ATP2C2: variants seen among roughly 807,000 people sequenced by gnomAD.
The protein encoded by ATP2C2 is calcium-transporting ATPase type 2C member 2.
Under a neutral mutation model 110.8 loss-of-function variants are expected in ATP2C2, and 171 were observed. The observed-to-expected ratio is 1.54, with a 90% CI of 1.36 to 1.75. ATP2C2 has a LOEUF of 1.75. Among genes scored for constraint, ATP2C2 ranks in the 40% most tolerant of loss-of-function variants. The probability of loss-of-function intolerance (pLI) is 0.00; values close to 1 mark genes in which losing one functional copy is unlikely to be tolerated. For missense variants in ATP2C2, 1,963 were observed against 1,235.0 expected (o/e 1.59, Z -8.84); for synonymous variants, 804 against 508.4 (o/e 1.58, Z -7.82).
chr16:84,410,464 A>G (rs1906172134), intron 4 of ATP2C2, 104 bp from the exon 5 acceptor site: 10 of 1,332,680 alleles, frequency 7.5e-6, no homozygotes, highest in Non-Finnish European at 1.1e-5. Flanking sequence ...GTTTTGCAAG[A>G]AGAAAGGAAA....
intron 1 of ATP2C2, 93 bp downstream of exon 1, chr16:84,368,807 G>A: frequency 9.0e-7 from 1 of 1,111,640 alleles, no homozygotes; most frequent in Non-Finnish European, 1.3e-6. Context: ...CGTTCGCGCT[G>A]CGATCCGCGA....
At chr16:84,412,544 A>C (rs1459404580) in intron 6 of ATP2C2, among the ~76,000 whole-genome samples, 1 of 62,254 alleles carries the variant, frequency 1.6e-5, no homozygotes, top group East Asian at 5.0e-4. Context: ...CTGTGTGTGT[A>C]TGCGTGTGTG....
chr16:84,448,717 C>T (rs370073587), intron 17 of ATP2C2, 28 bp downstream of exon 17: 9 of 1,589,282 alleles, frequency 5.7e-6, no homozygotes, highest in Admixed American at 5.3e-5. Context: ...CGGCCCAGAG[C>T]TTTAAGCTTG....
At chr16:84,440,026 G>C (rs11867035) in intron 13 of ATP2C2, among the ~76,000 whole-genome samples, 9 of 152,090 alleles carry the variant, frequency 5.9e-5, no homozygotes, top group Non-Finnish European at 8.8e-5. Context: ...AGTAGAGACG[G>C]GGTATCACTA....
intron 4 of ATP2C2, among the ~76,000 whole-genome samples, chr16:84,408,806 C>T (rs912957358): frequency 6.6e-6 from 1 of 152,008 alleles, no homozygotes; most frequent in African/African-American, 2.4e-5. Flanking sequence ...CATTTGCCTT[C>T]CGAAGAACAA....
chr16:84,396,587 G>C (rs117817363), intron 1 of ATP2C2, among the ~76,000 whole-genome samples: 1 of 150,652 alleles, frequency 6.6e-6, no homozygotes, highest in Non-Finnish European at 1.5e-5. Flanking sequence ...AAGTGAATTC[G>C]GTGTAGTGAG....
At chr16:84,443,207 G>T (rs527792868) in intron 15 of ATP2C2, among the ~76,000 whole-genome samples, 11 of 152,238 alleles carry the variant, frequency 7.2e-5, no homozygotes, top group Admixed American at 1.3e-4. Flanking sequence ...GAGAAGAGAG[G>T]ACAAAGGACA....
In ATP2C2 at chr16:84,454,618, C is replaced by G. The variant is rs147899604; in HGVS notation, c.1981-200C>G. Among the ~76,000 whole-genome samples, 460 of 152,288 alleles carry G rather than the reference C, an allele frequency of 3.0e-3. 3 individuals carry two copies. Among genetic ancestry groups the G allele is most frequent in the Admixed American group, 6.2e-3 (94 of 15,284 alleles). On this transcript the variant is annotated intron_variant, in intron 20 of 26. Coordinates refer to ENST00000262429, the MANE Select transcript of ATP2C2 (RefSeq NM_014861.4). ...GCCCTGGGAAGAAGAAACTGTTGCT[C>G]CCACTTTGCAGATAGGGAAACTGAG...
At chr16:84,399,505 A>C (rs1246541050) in intron 2 of ATP2C2, among the ~76,000 whole-genome samples, 1 of 152,266 alleles carries the variant, frequency 6.6e-6, no homozygotes, top group Non-Finnish European at 1.5e-5. Context: ...CGACCAGAAC[A>C]ACAAAGTTTC....
Position 84,463,921 on chromosome 16 carries a change from T to C in ATP2C2, c.*189T>C. ...GACCCAGGCCCACATCCATCCAGCG[T>C]TCCCGCTGGCTGTGGGACAGACAGG... On this transcript the variant is annotated 3_prime_UTR_variant, in exon 27 of 27. Transcript: ENST00000262429. The C allele has an allele frequency of 1.7e-6, 1 of 582,546 alleles. No homozygotes were observed. The highest frequency in any genetic ancestry group is 3.1e-6 in the Non-Finnish European group (1 of 326,900). The allele number at this position is 582,546 out of a possible 1,614,324, so 36.1% of individuals were successfully genotyped here. A position where few individuals can be genotyped will look rare whatever the true frequency, so the allele number is the denominator to read the frequency against.
At chr16:84,414,867 G>A (rs1906693398) in intron 6 of ATP2C2, among the ~76,000 whole-genome samples, 1 of 152,138 alleles carries the variant, frequency 6.6e-6, no homozygotes, top group Non-Finnish European at 1.5e-5. Context: ...TGGAGCAGGA[G>A]GGGGTTGGGA....
intron 11 of ATP2C2, among the ~76,000 whole-genome samples, chr16:84,433,630 G>T (rs1034945549): frequency 4.6e-5 from 7 of 151,596 alleles, no homozygotes; most frequent in Non-Finnish European, 5.9e-5. Context: ...CCAGCCTAGG[G>T]AACAGAGCAA....
At chr16:84,445,294 C>T (rs1159462266) in intron 15 of ATP2C2, among the ~76,000 whole-genome samples, 1 of 151,924 alleles carries the variant, frequency 6.6e-6, no homozygotes, top group African/African-American at 2.4e-5. Flanking sequence ...CTGCAACCTC[C>T]GCCTCCCAGG....
intron 11 of ATP2C2, among the ~76,000 whole-genome samples, chr16:84,435,273 G>C (rs1352371265): frequency 6.6e-6 from 1 of 152,164 alleles, no homozygotes; most frequent in Non-Finnish European, 1.5e-5. Context: ...CTGATTAATT[G>C]GCAGTGTTTA....
chr16:84,428,421 C>G (rs1486071527), intron 11 of ATP2C2, among the ~76,000 whole-genome samples: 1 of 152,180 alleles, frequency 6.6e-6, no homozygotes, highest in Non-Finnish European at 1.5e-5. Flanking sequence ...TGTCCTATGA[C>G]AAAAGCATTC....
At chr16:84,444,427 C>T (rs1199761317) in intron 15 of ATP2C2, among the ~76,000 whole-genome samples, 3 of 152,120 alleles carry the variant, frequency 2.0e-5, no homozygotes, top group Admixed American at 6.5e-5. Context: ...GAGCCGAGAT[C>T]GTACCATTGC....
At chr16:84,403,017 C>T (rs1597770956) in intron 2 of ATP2C2, among the ~76,000 whole-genome samples, 1 of 152,048 alleles carries the variant, frequency 6.6e-6, no homozygotes, top group South Asian at 2.1e-4. Flanking sequence ...TTGGTAGGTT[C>T]TGTGTGTCTA....
intron 4 of ATP2C2, 120 bp downstream of exon 4, chr16:84,408,614 A>C: frequency 1.3e-6 from 1 of 761,780 alleles, no homozygotes; most frequent in Non-Finnish European, 2.1e-6. Flanking sequence ...AGGAGCATAC[A>C]GAAGAAAGAA....
intron 20 of ATP2C2, 137 bp from the exon 21 acceptor site, chr16:84,454,680 TA>T: frequency 1.1e-6 from 1 of 870,976 alleles, no homozygotes; most frequent in Non-Finnish European, 1.7e-6. Context: ...TTCCCACAGC[TA>T]ATGTGGGTGA....
Sources: gnomAD v4.1 joint callset for allele counts (sites outside exome capture counted in the v4.1 genomes callset) on GRCh38, gnomAD v4.1.1 for gene constraint, MANE v1.5 for transcripts, NCBI Gene and HGNC (gene_info 2026-07-23, HGNC 2026-07-21) for gene names.